The following MINK1 variants were observed in gnomAD, a reference collection of about 807,000 sequenced individuals.
The protein encoded by MINK1 is misshapen like kinase 1.
A neutral mutation model predicts 178.4 loss-of-function variants in MINK1; 46 were observed. That is an observed-to-expected ratio of 0.26 (90% confidence interval 0.20 to 0.33). The LOEUF is 0.33. Ranked by LOEUF, MINK1 falls within the 10% of genes least tolerant of loss-of-function variation. The pLI, the probability that MINK1 is intolerant of heterozygous loss-of-function variation, is 1.00. For missense variants in MINK1, 1,366 were observed against 1,814.9 expected (o/e 0.75, Z 4.49); for synonymous variants, 797 against 709.7 (o/e 1.12, Z -1.96).
intron 2 of MINK1, among the ~76,000 whole-genome samples, chr17:4,880,539 G>A (rs540549725): frequency 6.1e-5 from 9 of 148,708 alleles, no homozygotes; most frequent in Admixed American, 1.3e-4. Flanking sequence ...CGCCTGCCTC[G>A]GCCTCCCAAA....
chr17:4,895,053 C>T lies in MINK1; in HGVS notation c.2918-22C>T. The stretch of plus-strand genomic sequence containing the variant: ...GGTGAGAAGCTGCAGCCCCTCCTCC[C>T]ACCTCCTCCTCCTTCTGGCAGCCCT... On this transcript the variant is annotated intron_variant, in intron 24 of 31. Coordinates refer to ENST00000355280, the MANE Select transcript of MINK1 (RefSeq NM_153827.5). This position sits in a 1 kb window ranked among gnomAD's most constrained non-coding sequence, Gnocchi z 4.3. The T allele has an allele frequency of 1.2e-6, 2 of 1,611,922 alleles. No individual in the cohort carries two copies. The highest frequency in any genetic ancestry group is 2.2e-5 in the East Asian group (1 of 44,842).
At chr17:4,847,958 G>A (rs1473398057) in intron 1 of MINK1, among the ~76,000 whole-genome samples, 1 of 152,138 alleles carries the variant, frequency 6.6e-6, no homozygotes, top group Non-Finnish European at 1.5e-5. Flanking sequence ...GAGGTGGGTG[G>A]AGTGCTTGAG....
chr17:4,895,027 G>T lies in MINK1; in HGVS notation c.2918-48G>T. ...TAGGGGATGGAGGTAAAAAGAGATGGGGTGAGAAGCTGCAGCCCCTCCTCC... is the reference window on the plus strand; with the variant it reads ...TAGGGGATGGAGGTAAAAAGAGATGTGGTGAGAAGCTGCAGCCCCTCCTCC... On this transcript the variant is annotated intron_variant, in intron 24 of 31. Transcript: ENST00000355280. This position sits in a 1 kb window ranked among gnomAD's most constrained non-coding sequence, Gnocchi z 4.3. 1 of 1,596,958 alleles carries T rather than the reference G, an allele frequency of 6.3e-7. No homozygotes were observed. The highest frequency in any genetic ancestry group is 1.1e-5 in the South Asian group (1 of 90,396).
chr17:4,896,827 T>C lies in MINK1; in HGVS notation c.3915+14T>C. 6.5e-7 allele frequency: 1 copy of C among 1,546,280 alleles called. No individual in the cohort carries two copies. The highest frequency in any genetic ancestry group is 8.7e-7 in the Non-Finnish European group (1 of 1,146,960). On this transcript the variant is annotated intron_variant, in intron 31 of 31. Coordinates refer to ENST00000355280, the MANE Select transcript of MINK1 (RefSeq NM_153827.5). This position sits in a 1 kb window ranked among gnomAD's most constrained non-coding sequence, Gnocchi z 4.6. The stretch of plus-strand genomic sequence containing the variant: ...CGGAATGACAAGGTGGGAGGCTCCT[T>C]CCCTCTGAAAGCCCTGCTGTCCCGG...
chr17:4,849,383 C>G (rs1017596408), intron 1 of MINK1, among the ~76,000 whole-genome samples: 1 of 152,132 alleles, frequency 6.6e-6, no homozygotes. Flanking sequence ...ATGTGAGAGA[C>G]AAGACATTGG....
rs754643081 is a variant in MINK1, at chr17:4,881,046, G to A, written c.180+6G>A. On this transcript the variant is annotated splice_donor_region_variant and intron_variant, in intron 3 of 31. Coordinates refer to ENST00000355280, the MANE Select transcript of MINK1 (RefSeq NM_153827.5). ...AGGTCATGGATGTCACGGAGGTAGG[G>A]AGTGGAGCTGGGCAGTGGGAGGGTC... 6 of 1,533,584 alleles carry A rather than the reference G, an allele frequency of 3.9e-6. No homozygotes were observed. In the South Asian group the frequency reaches 7.2e-5, roughly 18 times the overall value. 95.0% of individuals were successfully genotyped at this position (1,533,584 alleles called of 1,614,324 possible).
intron 1 of MINK1, among the ~76,000 whole-genome samples, chr17:4,857,613 C>T (rs899429890): frequency 8.6e-5 from 13 of 151,832 alleles, no homozygotes; most frequent in African/African-American, 1.2e-4. Flanking sequence ...ACTATAGGCA[C>T]GCACCACCAT....
chr17:4,841,106 G>A (rs945150200), intron 1 of MINK1, among the ~76,000 whole-genome samples: 12 of 152,262 alleles, frequency 7.9e-5, no homozygotes, highest in Admixed American at 2.6e-4. Context: ...GACAGGCGAC[G>A]TGGGGAGTGT....
At position 4,895,552 on chromosome 17, in the gene MINK1, T is replaced by G; in HGVS notation, c.3229+59T>G. On this transcript the variant is annotated intron_variant, in intron 26 of 31. Coordinates refer to ENST00000355280, the MANE Select transcript of MINK1 (RefSeq NM_153827.5). The surrounding 1 kb of genome is among the most constrained non-coding windows in gnomAD (Gnocchi z 4.3). ...GCTCAGCTCCTTGGCGCTGTCACCA[T>G]CTTCTGCCTGGGAGGAGGGCAGGCA... is the stretch of plus-strand genomic sequence containing the variant. 1 of 1,551,880 alleles carries G rather than the reference T, an allele frequency of 6.4e-7. No individual in the cohort carries two copies. Among genetic ancestry groups the G allele is most frequent in the East Asian group, 2.3e-5 (1 of 44,146 alleles).
At chr17:4,834,162 A>G (rs1262925523) in intron 1 of MINK1, among the ~76,000 whole-genome samples, 1 of 151,622 alleles carries the variant, frequency 6.6e-6, no homozygotes, top group Middle Eastern at 3.4e-3. Flanking sequence ...AATTTCAGCT[A>G]CCCCACCCCT....
chr17:4,873,717 C>T (rs1966919112), intron 1 of MINK1, among the ~76,000 whole-genome samples: 1 of 147,328 alleles, frequency 6.8e-6, no homozygotes. Flanking sequence ...CTCCTGAGTT[C>T]AAGCGATTCT....
intron 1 of MINK1, among the ~76,000 whole-genome samples, chr17:4,846,528 G>A (rs1157035881): frequency 2.0e-5 from 3 of 151,724 alleles, no homozygotes; most frequent in Non-Finnish European, 2.9e-5. Flanking sequence ...ATGAAGGAAT[G>A]TTCCAATTGA....
chr17:4,858,472 A>T (rs1018820738), intron 1 of MINK1, among the ~76,000 whole-genome samples: 1 of 148,566 alleles, frequency 6.7e-6, no homozygotes, highest in African/African-American at 2.5e-5. Flanking sequence ...TTTTTAATTT[A>T]AATTTAATTT....
chr17:4,894,378 C>G lies in MINK1; in HGVS notation c.2808+67C>G, dbSNP rs1969206966. 1.3e-6 allele frequency: 2 copies of G among 1,568,280 alleles called. No individual in the cohort carries two copies. The highest frequency in any genetic ancestry group is 3.8e-5 in the Admixed American group (2 of 52,822). On this transcript the variant is annotated intron_variant, in intron 23 of 31. Coordinates refer to ENST00000355280, the MANE Select transcript of MINK1 (RefSeq NM_153827.5). The surrounding 1 kb of genome is among the most constrained non-coding windows in gnomAD (Gnocchi z 4.1). ...TGGCGATGGGCAGGAGGTCCCGGTG[C>G]TGGGTAACGGCAGAGGATGGGGCGG...
In MINK1 at chr17:4,886,381, TC is replaced by T; in HGVS notation, c.774-68del. ...GTCAAGGTGGCTTGTGGATGAATGA[TC>T]CACCCTCTTCCTCCTGCACCCATCC... On this transcript the variant is annotated intron_variant, in intron 9 of 31. Coordinates refer to ENST00000355280, the MANE Select transcript of MINK1 (RefSeq NM_153827.5). This position sits in a 1 kb window ranked among gnomAD's most constrained non-coding sequence, Gnocchi z 6.1. 1.3e-6 allele frequency: 2 copies of T among 1,545,366 alleles called. No homozygotes were observed. Among genetic ancestry groups the T allele is most frequent in the Non-Finnish European group, 8.8e-7 (1 of 1,133,820 alleles).
At chr17:4,838,947 C>CTTTTT (rs149544017) in intron 1 of MINK1, among the ~76,000 whole-genome samples, 1 of 145,122 alleles carries the variant, frequency 6.9e-6, no homozygotes, top group Non-Finnish European at 1.5e-5. Flanking sequence ...AGCCTAGACT[C>CTTTTT]TTTTTTTTTT....
intron 1 of MINK1, among the ~76,000 whole-genome samples, chr17:4,872,761 C>CT (rs766781907): frequency 1.2e-4 from 19 of 152,120 alleles, no homozygotes; most frequent in African/African-American, 1.7e-4. Flanking sequence ...GACAGAGACT[C>CT]TGTCTCAGAA....
intron 15 of MINK1, 63 bp from the exon 16 acceptor site, chr17:4,891,393 C>A: frequency 1.3e-6 from 2 of 1,504,958 alleles, no homozygotes; most frequent in East Asian, 2.3e-5. Context: ...CCCCAGACCC[C>A]AATTCGCAGG....
chr17:4,873,626 T>TC lies in MINK1; in HGVS notation c.58-4691_58-4690insC, dbSNP rs1966905935. 3.4e-5 allele frequency among the ~76,000 whole-genome samples: 5 copies of TC among 148,200 alleles called. No individual in the cohort carries two copies. In the South Asian group the frequency reaches 1.1e-3, roughly 32 times the overall value. On this transcript the variant is annotated intron_variant, in intron 1 of 31. Coordinates refer to ENST00000355280, the MANE Select transcript of MINK1 (RefSeq NM_153827.5). Reference sequence around the variant, plus strand: ...CACTCTTTTTTCTTTTCTTTTTTTTTTTTTTTTTTTGAGAAGGCGTCTCAC... The same window carrying TC: ...CACTCTTTTTTCTTTTCTTTTTTTTTCTTTTTTTTTTGAGAAGGCGTCTCAC...
Sources: allele counts gnomAD v4.1 joint callset (sites outside exome capture counted in the v4.1 genomes callset), GRCh38; gene constraint gnomAD v4.1.1; non-coding constraint Gnocchi (gnomAD v3.1); transcripts MANE v1.5; gene names NCBI Gene and HGNC (gene_info 2026-07-23, HGNC 2026-07-21).